The following ZNF343 variants were observed in gnomAD, a reference collection of about 807,000 sequenced individuals.
The protein encoded by ZNF343 is zinc finger protein 343.
In ZNF343, 11 loss-of-function variants were observed where a neutral mutation model predicts 13.8. The observed-to-expected ratio is 0.80, with a 90% CI of 0.50 to 1.32. The LOEUF (loss-of-function observed/expected upper bound fraction) is 1.32. Among genes scored for constraint, ZNF343 ranks in the 40% most tolerant of loss-of-function variants. The pLI is 0.00. For synonymous variants in ZNF343, 248 were observed against 260.0 expected, an observed-to-expected ratio of 0.95 and a Z score of 0.44; for missense variants, 658 against 714.2, an observed-to-expected ratio of 0.92 and a Z score of 0.90.
intron 1 of ZNF343, among the ~76,000 whole-genome samples, chr20:2,516,165 A>C (rs2085758482): frequency 6.6e-6 from 1 of 152,068 alleles, no homozygotes; most frequent in African/African-American, 2.4e-5. Flanking sequence ...GGTCGGAATC[A>C]AGGTGAGGAT....
At chr20:2,505,972 C>T (rs2085648764) in intron 1 of ZNF343, among the ~76,000 whole-genome samples, 2 of 152,248 alleles carry the variant, frequency 1.3e-5, no homozygotes, top group East Asian at 3.9e-4. Context: ...AGCTTTTGCA[C>T]AGCAAAAGAA....
chr20:2,493,403 A>C, intron 4 of ZNF343, 116 bp downstream of exon 4: 2 of 932,770 alleles, frequency 2.1e-6, no homozygotes, highest in Non-Finnish European at 1.7e-6. Context: ...CTAATGCTTC[A>C]CTCATCTACC....
rs777655779 is a variant in ZNF343 at position 2,493,626 on chromosome 20, A to AC, written c.119-50dup. 7.1e-6 allele frequency: 5 copies of AC among 706,398 alleles called. No individual in the cohort carries two copies. The East Asian group carries it at 1.9e-4, about 26-fold the overall frequency. 43.8% of individuals were successfully genotyped at this position (706,398 alleles called of 1,614,324 possible). A position where few individuals can be genotyped will look rare whatever the true frequency, so the allele number is the denominator to read the frequency against. ...GAGAAACCAGACCCCCCCACCCCCC[A>AC]CCCCCCACCATGACGCTCCCTGAGC... On this transcript the variant is annotated intron_variant, in intron 3 of 5. Transcript: ENST00000278772.
rs114684099 is a variant in ZNF343 at position 2,488,656 on chromosome 20, G to A, written c.305-4000C>T. Among the ~76,000 whole-genome samples, 315 of 151,958 alleles carry A rather than the reference G, an allele frequency of 2.1e-3. 1 individual carries two copies. The highest frequency in any genetic ancestry group is 7.3e-3 in the African/African-American group (302 of 41,448). On this transcript the variant is annotated intron_variant, in intron 5 of 5. Transcript: ENST00000278772. ...TATTTTTCCACCTTTATTTTTCCAT[G>A]TGAATTTCAGAAAAGAATTTCACTG...
At chr20:2,492,975 C>G in intron 4 of ZNF343, 150 bp from the exon 5 acceptor site, 1 of 1,084,222 alleles carries the variant, frequency 9.2e-7, no homozygotes, top group East Asian at 2.4e-5. Flanking sequence ...CTTCTGAGCA[C>G]TACTGTCTGC....
rs1465000928 is a variant in ZNF343, at chr20:2,482,341, A to T, written c.*820T>A. ...GAATCAATTATCTGGACAGACAACG[A>T]GACAGAAAATTGAGGATTCACTGGG... On this transcript the variant is annotated 3_prime_UTR_variant, in exon 6 of 6. Coordinates refer to ENST00000278772, the MANE Select transcript of ZNF343 (RefSeq NM_024325.6). The T allele has an allele frequency of 5.3e-5, 8 of 152,370 alleles. No homozygotes were observed. The East Asian group carries it at 1.3e-3, about 26-fold the overall frequency. 9.4% of individuals were successfully genotyped at this position (152,370 alleles called of 1,614,324 possible).
chr20:2,488,353 C>A (rs896986190), intron 5 of ZNF343, among the ~76,000 whole-genome samples: 7 of 151,330 alleles, frequency 4.6e-5, no homozygotes, highest in African/African-American at 1.5e-4. Flanking sequence ...TATCTAGTTG[C>A]CCAACACCAT....
intron 1 of ZNF343, among the ~76,000 whole-genome samples, chr20:2,516,800 T>C (rs1212990576): frequency 6.6e-6 from 1 of 151,904 alleles, no homozygotes; most frequent in African/African-American, 2.4e-5. Flanking sequence ...AGGGTTATGA[T>C]CACATTGAGG....
chr20:2,516,184 G>A (rs573688087), intron 1 of ZNF343, among the ~76,000 whole-genome samples: 1 of 152,160 alleles, frequency 6.6e-6, no homozygotes, highest in African/African-American at 2.4e-5. Context: ...ATGAGAGTCG[G>A]GGTCACAGAG....
At position 2,501,495 on chromosome 20, in the gene ZNF343, A is replaced by T. The variant is rs538472060; in HGVS notation, c.-236-753T>A. ...CTCCCAGCACGCAGCTGGAGATCTG[A>T]GAATGGACAGACTGCCTCCTCAGGT... On this transcript the variant is annotated intron_variant, in intron 1 of 5. Coordinates refer to ENST00000278772, the MANE Select transcript of ZNF343 (RefSeq NM_024325.6). 5.3e-5 allele frequency among the ~76,000 whole-genome samples: 8 copies of T among 152,326 alleles called. No individual in the cohort carries two copies. In the East Asian group the frequency reaches 1.4e-3, roughly 26 times the overall value.
intron 5 of ZNF343, among the ~76,000 whole-genome samples, chr20:2,488,099 G>A (rs2085310357): frequency 6.6e-6 from 1 of 152,076 alleles, no homozygotes; most frequent in Admixed American, 6.6e-5. Flanking sequence ...ATATTTCCTG[G>A]AAATTAGTCC....
intron 1 of ZNF343, among the ~76,000 whole-genome samples, chr20:2,514,199 CTG>C (rs965684170): frequency 1.4e-4 from 22 of 152,198 alleles, no homozygotes; most frequent in African/African-American, 5.1e-4. Flanking sequence ...CTGAATGACT[CTG>C]TGTAACTTAA....
rs754957257 is a variant in ZNF343, at chr20:2,483,847, G to A, written c.1114C>T (p.Gln372Ter). The change falls in exon 6 of 6, where the codon CAG becomes TAG. Residue 372 changes from glutamine (Q) to a stop codon, truncating the protein, a stop_gained. Coordinates refer to ENST00000278772, the MANE Select transcript of ZNF343 (RefSeq NM_024325.6). LOFTEE classifies it low-confidence loss of function (END_TRUNC). ...GGTTTCTCACCGGAGTGTGTCCTCTGGTGTCTGATGAAGGATGACTTCTCG... is the reference window on the plus strand; with the variant it reads ...GGTTTCTCACCGGAGTGTGTCCTCTAGTGTCTGATGAAGGATGACTTCTCG... Reference protein sequence around the residue: ...FSEKSSFIRHQRTHSGEKPYV... With the variant: ...FSEKSSFIRH 145 of 1,613,438 alleles carry A rather than the reference G, an allele frequency of 9.0e-5. No homozygotes were observed. Among genetic ancestry groups the A allele is most frequent in the Non-Finnish European group, 1.1e-4 (131 of 1,179,858 alleles).
chr20:2,504,799 T>G (rs2085627828), intron 1 of ZNF343, among the ~76,000 whole-genome samples: 1 of 152,138 alleles, frequency 6.6e-6, no homozygotes, highest in African/African-American at 2.4e-5. Context: ...ATGGGACATA[T>G]CTCAAAATAA....
In ZNF343 at chr20:2,483,097, A is replaced by G. The variant is rs564012922; in HGVS notation, c.*64T>C. 1 of 1,526,250 alleles carries G rather than the reference A, an allele frequency of 6.6e-7. No homozygotes were observed. Among genetic ancestry groups the G allele is most frequent in the Admixed American group, 2.0e-5 (1 of 49,454 alleles). The allele number at this position is 1,526,250 out of a possible 1,614,324, so 94.5% of individuals were successfully genotyped here. On this transcript the variant is annotated 3_prime_UTR_variant, in exon 6 of 6. Transcript: ENST00000278772. ...TACTCCCCATGTGTCTCTCTGGGGT[A>G]ACATGAGGCTTGACTGGTCACTCAG...
chr20:2,504,692 G>A (rs2085625814), intron 1 of ZNF343, among the ~76,000 whole-genome samples: 1 of 152,120 alleles, frequency 6.6e-6, no homozygotes, highest in Non-Finnish European at 1.5e-5. Context: ...CAGAACCAAC[G>A]ACAAAAACCA....
At chr20:2,523,435 T>C (rs58066118) in intron 1 of ZNF343, among the ~76,000 whole-genome samples, 6,394 of 152,212 alleles carry the variant, frequency 0.042, 416 homozygotes, top group African/African-American at 0.14. Flanking sequence ...CTTTATGGAC[T>C]CGCAGGGAAT....
Position 2,483,677 on chromosome 20 carries a change from CTGG to C in ZNF343, c.1281_1283del (p.His427del). 6.2e-7 allele frequency: 1 copy of C among 1,611,026 alleles called. No individual in the cohort carries two copies. ...AAGGCTTCTCATCCAAGTGTGTCCT[CTGG>C]TGTTTGATGAGATCTGAGTTCTGGC... On this transcript the variant is annotated inframe_deletion, in exon 6 of 6. Transcript: ENST00000278772.
intron 1 of ZNF343, among the ~76,000 whole-genome samples, chr20:2,517,979 A>T (rs2085766562): frequency 6.6e-6 from 1 of 152,036 alleles, no homozygotes; most frequent in South Asian, 2.1e-4. Context: ...ATAAAATTTT[A>T]AAAGTACTCA....
Sources: gnomAD v4.1 joint callset for allele counts (sites outside exome capture counted in the v4.1 genomes callset) on GRCh38, gnomAD v4.1.1 for gene constraint, MANE v1.5 for transcripts, NCBI Gene and HGNC (gene_info 2026-07-23, HGNC 2026-07-21) for gene names.